Variants in TTN observed in about 807,000 individuals in gnomAD.
TTN encodes connectin.
In TTN, 1,525 loss-of-function variants were observed where a neutral mutation model predicts 3,223.0. The ratio of observed to expected loss-of-function variants is 0.47; its 90% confidence interval spans 0.45 to 0.49. The LOEUF is 0.49. Among genes scored for constraint, TTN ranks in the 20% least tolerant of loss-of-function variants. TTN has a pLI of 0.00. For synonymous variants in TTN, 14,094 were observed against 15,161.0 expected (o/e 0.93, Z 5.17); for missense variants, 40,786 against 43,424.0 (o/e 0.94, Z 5.40).
chr2:178,555,335 G>T, intron 330 of TTN, 183 bp from the exon 331 acceptor site: 1 of 597,122 alleles, frequency 1.7e-6, no homozygotes. Context: ...ATCTCAGATG[G>T]GGTAGAAAGA....
intron 111 of TTN, among the ~76,000 whole-genome samples, chr2:178,699,919 C>T (rs1049470379): frequency 4.3e-5 from 6 of 140,852 alleles, no homozygotes; most frequent in African/African-American, 1.1e-4. Context: ...AGTAGAGACG[C>T]GGTTTCATCG....
In TTN at chr2:178,649,566, G is replaced by C. The variant is rs1444604639; in HGVS notation, c.39961C>G (p.Pro13321Ala). 6.5e-7 allele frequency: 1 copy of C among 1,549,586 alleles called. No homozygotes were observed. The highest frequency in any genetic ancestry group is 1.4e-5 in the African/African-American group (1 of 72,936). Residue 13321 changes from proline to alanine, a missense_variant, in exon 212 of 363, where the codon CCA (proline) becomes GCA (alanine). By Grantham distance (27) the Pro-to-Ala change is conservative. Transcript: ENST00000589042. The part of the protein sequence containing the change: ...KVPTVKKPET[P>A]AAKVPEVPKK... ...ATGAAGTGAATACCTTTAGCTGCTGGTGTTTCTGGCTTCTTAACAGTTGGG... is the reference window on the plus strand; with the variant it reads ...ATGAAGTGAATACCTTTAGCTGCTGCTGTTTCTGGCTTCTTAACAGTTGGG...
chr2:178,751,589 T>G, intron 47 of TTN: 1 of 1,613,260 alleles, frequency 6.2e-7, no homozygotes, highest in Non-Finnish European at 8.5e-7. Flanking sequence ...TAAATATTTC[T>G]CATCTTGCCC....
At position 178,563,913 on chromosome 2, in the gene TTN, T is replaced by C. The variant is rs752734736; in HGVS notation, c.82219A>G (p.Ile27407Val). 1 of 1,613,690 alleles carries C rather than the reference T, an allele frequency of 6.2e-7. No individual in the cohort carries two copies. Among genetic ancestry groups the C allele is most frequent in the South Asian group, 1.1e-5 (1 of 91,078 alleles). ...DGGANISHYI[I>V]EKRETSRLSW... ...AGTCGGCTTGTCTCCCTCTTTTCAA[T>C]GATGTAATGTGAAATATTAGCACCA... is the stretch of plus-strand genomic sequence containing the variant. Residue 27407 changes from isoleucine (I) to valine (V), a missense_variant, in exon 326 of 363, where the codon ATT becomes GTT. Ile to Val is a conservative substitution (Grantham distance 29). Transcript: ENST00000589042. The surrounding 1 kb of genome is among the most constrained non-coding windows in gnomAD (Gnocchi z 4.5).
Position 178,616,869 on chromosome 2 carries a change from T to C in TTN, c.48020A>G (p.Asp16007Gly). The part of the protein sequence containing the change: ...CFGDKVLETG[D>G]RVKMKTLSAY... ...AGACAAGGTCTTCATTTTCACCCGG[T>C]CCCCTGTTTCTAGTACTTTATCTCC... The change falls in exon 256 of 363, where the codon GAC (aspartate) becomes GGC (glycine). Residue 16007 changes from aspartate to glycine, a missense_variant. Asp to Gly is a moderately conservative substitution (Grantham distance 94). Coordinates refer to ENST00000589042, the MANE Select transcript of TTN (RefSeq NM_001267550.2). 1 of 1,612,686 alleles carries C rather than the reference T, an allele frequency of 6.2e-7. No individual in the cohort carries two copies. Among genetic ancestry groups the C allele is most frequent in the Non-Finnish European group, 8.5e-7 (1 of 1,179,166 alleles).
chr2:178,782,925 T>C lies in TTN; in HGVS notation c.2981A>G (p.Gln994Arg). ...ESSIDFQITF[Q>R]SGIARLMIRE... is the part of the protein sequence containing the mutation. ...AATCATAAGACGAGCAATTCCACTC[T>C]GGAAGGTTATCTGGAAGTCAATGGA... The change falls in exon 18 of 363, where the codon CAG becomes CGG. Residue 994 changes from glutamine (Q) to arginine (R), a missense_variant. Transcript: ENST00000589042. 6.2e-7 allele frequency: 1 copy of C among 1,614,170 alleles called. No individual in the cohort carries two copies. Among genetic ancestry groups the C allele is most frequent in the Non-Finnish European group, 8.5e-7 (1 of 1,180,006 alleles).
intron 49 of TTN, 51 bp from the exon 50 acceptor site, chr2:178,736,125 G>A: frequency 6.8e-7 from 1 of 1,465,008 alleles, no homozygotes; most frequent in Non-Finnish European, 9.2e-7. Flanking sequence ...CAAAGCACTT[G>A]CTGTAATTAT....
chr2:178,684,172 T>G (rs765687857), intron 132 of TTN, 90 bp from the exon 133 acceptor site: 14 of 1,431,508 alleles, frequency 9.8e-6, no homozygotes, highest in Admixed American at 2.0e-5. Context: ...ACATAAACAC[T>G]TGACATTTTC....
chr2:178,669,270 A>T, intron 159 of TTN, 103 bp downstream of exon 159: 2 of 902,430 alleles, frequency 2.2e-6, no homozygotes, highest in Non-Finnish European at 1.6e-6. Context: ...TTAGGCTTTT[A>T]TAAGAGTTTA....
chr2:178,529,836 T>C, intron 359 of TTN, 124 bp downstream of exon 359: 1 of 1,082,064 alleles, frequency 9.2e-7, no homozygotes, highest in Non-Finnish European at 1.3e-6. Context: ...AATTGTATTC[T>C]GGAATTAGGA....
chr2:178,713,656 T>C, intron 92 of TTN: 1 of 712,270 alleles, frequency 1.4e-6, no homozygotes, highest in Non-Finnish European at 2.2e-6. Flanking sequence ...TGCTTTAACC[T>C]TATCCAGGGA....
At chr2:178,801,102 G>A (rs1418606719) in intron 3 of TTN, among the ~76,000 whole-genome samples, 3 of 152,176 alleles carry the variant, frequency 2.0e-5, no homozygotes, top group Admixed American at 6.5e-5. Flanking sequence ...GCTACGATGG[G>A]TGTACCTGTT....
Position 178,774,421 on chromosome 2 carries a change from T to G in TTN, c.6843A>C (p.Ser2281=). 1 of 1,613,652 alleles carries G rather than the reference T, an allele frequency of 6.2e-7. No homozygotes were observed. The highest frequency in any genetic ancestry group is 1.1e-5 in the South Asian group (1 of 91,074). ...CAATGCACTCTAATTCTCCTGAATA[T>G]GATTCTGGAACTTCTATGTCCTGAA... ...KELQDIEVPE[S]YSGELECIVS... is the part of the protein sequence containing the mutation. The change falls in exon 30 of 363, where the codon TCA becomes TCC. Residue 2281 remains serine, a synonymous_variant. Coordinates refer to ENST00000589042, the MANE Select transcript of TTN (RefSeq NM_001267550.2).
intron 9 of TTN, 131 bp downstream of exon 9, chr2:178,793,273 C>A: frequency 1.5e-6 from 2 of 1,377,640 alleles, no homozygotes; most frequent in Admixed American, 2.2e-5. Flanking sequence ...TTTACACATA[C>A]AACAAGGGGA....
chr2:178,701,623 A>T, intron 109 of TTN, 36 bp from the exon 110 acceptor site: 1 of 1,594,550 alleles, frequency 6.3e-7, no homozygotes, highest in Non-Finnish European at 8.6e-7. Flanking sequence ...AGAGAGACTG[A>T]GAACAAGCTA....
In TTN at chr2:178,620,946, G is replaced by T. The variant is rs2058168500; in HGVS notation, c.45664C>A (p.Gln15222Lys). 7.4e-6 allele frequency: 12 copies of T among 1,612,340 alleles called. No individual in the cohort carries two copies. Among genetic ancestry groups the T allele is most frequent in the Non-Finnish European group, 1.0e-5 (12 of 1,179,136 alleles). The change falls in exon 247 of 363, where the codon CAA becomes AAA. Residue 15222 changes from glutamine to lysine, a missense_variant. Transcript: ENST00000589042. ...TCACAGTTGAAGACAACTTCCTGTT[G>T]TTCCTTCACCCGGGTGTCCTTAAGA... ...VPLKDTRVKE[Q>K]QEVVFNCEVN...
rs757518858 is a variant in TTN, at chr2:178,601,665, T to C, written c.55425A>G (p.Lys18475=). Residue 18475 remains lysine (K), a synonymous_variant, in exon 286 of 363, where the codon AAA becomes AAG. Coordinates refer to ENST00000589042, the MANE Select transcript of TTN (RefSeq NM_001267550.2). ...TTTCAAAGTCTTTCTTACCCATGAC[T>C]TTAACTCTGCAATTTGCAGTCTTTT... ...AGQKTANCRV[K]VMDVPGPPKD... 14 of 1,597,554 alleles carry C rather than the reference T, an allele frequency of 8.8e-6. No individual in the cohort carries two copies. Among genetic ancestry groups the C allele is most frequent in the Non-Finnish European group, 1.2e-5 (14 of 1,175,006 alleles).
In TTN at chr2:178,531,452, C is replaced by G; in HGVS notation, c.105163G>C (p.Glu35055Gln). 1 of 1,613,896 alleles carries G rather than the reference C, an allele frequency of 6.2e-7. No homozygotes were observed. ...DEEVPRSVFP[E>Q]LTRTEAYAVS... ...GCATACGCCTCTGTTCTTGTCAGCTCAGGGAAAACAGATCTGGGGACCTCT... is the reference window on the plus strand; with the variant it reads ...GCATACGCCTCTGTTCTTGTCAGCTGAGGGAAAACAGATCTGGGGACCTCT... Residue 35055 changes from glutamate (E) to glutamine (Q), a missense_variant, in exon 358 of 363, where the codon GAG becomes CAG. Coordinates refer to ENST00000589042, the MANE Select transcript of TTN (RefSeq NM_001267550.2).
In TTN at chr2:178,559,657, T is replaced by A; in HGVS notation, c.86475A>T (p.Leu28825Phe). 6.2e-7 allele frequency: 1 copy of A among 1,613,320 alleles called. No homozygotes were observed. Among genetic ancestry groups the A allele is most frequent in the South Asian group, 1.1e-5 (1 of 90,936 alleles). Reference protein sequence around the residue: ...ANRNDSGKYTLTIQNVLSAAS... With the variant: ...ANRNDSGKYTFTIQNVLSAAS... The stretch of plus-strand genomic sequence containing the variant: ...CAGCACTCAAAACATTCTGAATTGT[T>A]AATGTGTACTTTCCAGAGTCATTTC... The change falls in exon 326 of 363, where the codon TTA becomes TTT. Residue 28825 changes from leucine (L) to phenylalanine (F), a missense_variant. Coordinates refer to ENST00000589042, the MANE Select transcript of TTN (RefSeq NM_001267550.2).
Sources: allele counts gnomAD v4.1 joint callset (sites outside exome capture counted in the v4.1 genomes callset), GRCh38; gene constraint gnomAD v4.1.1; non-coding constraint Gnocchi (gnomAD v3.1); transcripts MANE v1.5; gene names NCBI Gene and HGNC (gene_info 2026-07-23, HGNC 2026-07-21).